The following TEPSIN variants were observed in gnomAD, a reference collection of about 807,000 sequenced individuals.
TEPSIN encodes the protein TEPSIN adaptor related protein complex 4 accessory protein, also known as AP-4 complex accessory subunit tepsin.
TEPSIN carries 50 observed loss-of-function variants against 48.5 expected under a neutral mutation model. The ratio of observed to expected loss-of-function variants is 1.03; its 90% CI spans 0.82 to 1.31. The LOEUF is 1.31. Among genes scored for constraint, TEPSIN ranks in the 50% most tolerant of loss-of-function variants. TEPSIN has a pLI of 0.00. For synonymous variants in TEPSIN, 392 were observed against 358.8 expected, an observed-to-expected ratio of 1.09 and a Z score of -1.05; for missense variants, 838 against 815.9, an observed-to-expected ratio of 1.03 and a Z score of -0.33.
chr17:81,237,992 GCTTA>G, intron 1 of TEPSIN: 1 of 997,344 alleles, frequency 1.0e-6, no homozygotes, highest in Non-Finnish European at 1.2e-6. Flanking sequence ...TTTGTTTCAT[GCTTA>G]CTTACTGGCA....
At position 81,231,919 on chromosome 17, in the gene TEPSIN, G is replaced by A. The variant is rs758539478; in HGVS notation, c.833C>T (p.Ser278Leu). The A allele has an allele frequency of 8.1e-6, 13 of 1,613,502 alleles. No homozygotes were observed. Among genetic ancestry groups the A allele is most frequent in the East Asian group, 6.7e-5 (3 of 44,896 alleles). The stretch of plus-strand genomic sequence containing the variant: ...GCTGCCGGAATGACTGCCCGAGTCC[G>A]AGACCCTGCTCAGGTCGCTGTTCTG... The part of the protein sequence containing the change: ...SSQNSDLSRV[S>L]DSGSHSGSDS... Residue 278 changes from serine (S) to leucine (L), a missense_variant, in exon 9 of 13, where the codon TCG (serine) becomes TTG (leucine). Ser to Leu is a moderately radical substitution (Grantham distance 145, BLOSUM62 -2). Transcript: ENST00000637944.
In TEPSIN at chr17:81,229,059, C is replaced by T. The variant is rs1470121037; in HGVS notation, c.1651G>A (p.Val551Met). The change falls in exon 13 of 13, where the codon GTG becomes ATG. Residue 551 changes from valine (V) to methionine (M), a missense_variant. Physicochemically the swap from Val to Met is conservative, Grantham distance 21. Transcript: ENST00000637944. Reference protein sequence around the residue: ...GMELVACPRLVGAGAAAGESC... With the variant: ...GMELVACPRLMGAGAAAGESC... ...TCTCCCGCAGCAGCCCCAGCCCCCA[C>T]CAGGCGGGGACAGGCCACCAGCTCC... 6.2e-7 allele frequency: 1 copy of T among 1,613,510 alleles called. No homozygotes were observed. Among genetic ancestry groups the T allele is most frequent in the Non-Finnish European group, 8.5e-7 (1 of 1,179,964 alleles).
rs1256381921 is a variant in TEPSIN at position 81,231,618 on chromosome 17, C to T, written c.979G>A (p.Ala327Thr). The stretch of plus-strand genomic sequence containing the variant: ...TGTGCCTCCTCGCGGCTCAGGAAGG[C>T]GCGTGGTCCCCGAGTCACAGTCCTC... ...LVRTVTRGPR[A>T]FLSREEAQHF... Residue 327 changes from alanine (A) to threonine (T), a missense_variant, in exon 10 of 13, where the codon GCC (alanine) becomes ACC (threonine). Physicochemically the swap from Ala to Thr is moderately conservative, Grantham distance 58 (BLOSUM62 0). Coordinates refer to ENST00000637944, the MANE Select transcript of TEPSIN (RefSeq NM_001363764.2). 2 of 1,613,154 alleles carry T rather than the reference C, an allele frequency of 1.2e-6. No individual in the cohort carries two copies. The highest frequency in any genetic ancestry group is 2.2e-5 in the South Asian group (2 of 91,042).
At chr17:81,238,779 G>A in intron 1 of TEPSIN, 1 of 1,314,868 alleles carries the variant, frequency 7.6e-7, no homozygotes, top group Non-Finnish European at 9.6e-7. Flanking sequence ...GCGCTCGGCG[G>A]GTCCGGCTTG....
intron 1 of TEPSIN, chr17:81,238,616 A>C (rs2062768856): frequency 9.0e-7 from 1 of 1,114,644 alleles, no homozygotes; most frequent in South Asian, 3.9e-5. Context: ...GTCAGGGAGG[A>C]CGGCGGGCTG....
chr17:81,231,085 A>C, intron 11 of TEPSIN: 1 of 520,748 alleles, frequency 1.9e-6, no homozygotes, highest in Non-Finnish European at 3.4e-6. Flanking sequence ...GCATGCACAC[A>C]CACACAGGCA....
Position 81,229,391 on chromosome 17 carries a change from G to C in TEPSIN, c.1319C>G (p.Pro440Arg). The C allele has an allele frequency of 1.3e-6, 2 of 1,553,056 alleles. No homozygotes were observed. Among genetic ancestry groups the C allele is most frequent in the East Asian group, 2.4e-5 (1 of 41,284 alleles). Residue 440 changes from proline to arginine, a missense_variant, in exon 13 of 13, where the codon CCA (proline) becomes CGA (arginine). Pro to Arg is a moderately radical substitution (Grantham distance 103, BLOSUM62 -2). Transcript: ENST00000637944. ...SAEPGPTAALPGPSDLLTDAV... is the reference protein window; with the variant it reads ...SAEPGPTAALRGPSDLLTDAV... ...GTCGGTCAGCAGGTCAGATGGGCCT[G>C]GGAGGGCGGCTGTGGGGCCAGGCTC...
intron 8 of TEPSIN, 103 bp from the exon 9 acceptor site, chr17:81,232,124 A>C: frequency 7.0e-7 from 1 of 1,428,956 alleles, no homozygotes. Context: ...CTGAGTCCTG[A>C]GCTGAGGATG....
In TEPSIN at chr17:81,233,624, C is replaced by T; in HGVS notation, c.454+14G>A. On this transcript the variant is annotated intron_variant, in intron 6 of 12. Coordinates refer to ENST00000637944, the MANE Select transcript of TEPSIN (RefSeq NM_001363764.2). This position sits in a 1 kb window ranked among gnomAD's most constrained non-coding sequence, Gnocchi z 5.8. ...CAGGTGCCAGAGCTGGACACGGTCC[C>T]CTCAGTCACCTACCTGTGGCAGGCG... The T allele has an allele frequency of 6.3e-7, 1 of 1,593,236 alleles. No homozygotes were observed. Among genetic ancestry groups the T allele is most frequent in the East Asian group, 2.3e-5 (1 of 44,190 alleles).
rs1051359230 is a variant in TEPSIN at position 81,233,077 on chromosome 17, C to T, written c.526+355G>A. ...GTGAGCAGTTGTCCACTGGTACTGC[C>T]CCACCTCATAACAGCTCCACACGGG... On this transcript the variant is annotated intron_variant, in intron 7 of 12. Coordinates refer to ENST00000637944, the MANE Select transcript of TEPSIN (RefSeq NM_001363764.2). The surrounding 1 kb of genome is among the most constrained non-coding windows in gnomAD (Gnocchi z 5.8). The T allele has an allele frequency of 2.7e-6, 1 of 364,376 alleles. No homozygotes were observed. The highest frequency in any genetic ancestry group is 5.1e-6 in the Non-Finnish European group (1 of 197,996). 22.6% of individuals were successfully genotyped at this position (364,376 alleles called of 1,614,324 possible). A position where few individuals can be genotyped will look rare whatever the true frequency, so the allele number is the denominator to read the frequency against.
rs749391945 is a variant in TEPSIN at position 81,232,508 on chromosome 17, G to A, written c.537C>T (p.Gly179=). 279 of 1,517,074 alleles carry A rather than the reference G, an allele frequency of 1.8e-4. No homozygotes were observed. Among genetic ancestry groups the A allele is most frequent in the Admixed American group, 8.4e-4 (42 of 50,112 alleles). The allele number at this position is 1,517,074 out of a possible 1,614,324, so 94.0% of individuals were successfully genotyped here. ...SKEHGRTGSA[G]EAFLSTIQKA... The stretch of plus-strand genomic sequence containing the variant: ...TCTGGATGGTGGAGAGGAAGGCTTC[G>A]CCTGCCGAGCCTGTACCCGAGGAGA... Residue 179 remains glycine (G), a synonymous_variant, in exon 8 of 13, where the codon GGC becomes GGT. Coordinates refer to ENST00000637944, the MANE Select transcript of TEPSIN (RefSeq NM_001363764.2).
chr17:81,231,074 T>A, intron 11 of TEPSIN: 1 of 498,476 alleles, frequency 2.0e-6, no homozygotes, highest in Non-Finnish European at 3.6e-6. Context: ...CACTTTCATG[T>A]GCATGCACAC....
At position 81,229,668 on chromosome 17, in the gene TEPSIN, G is replaced by A. The variant is rs1374090710; in HGVS notation, c.1234-192C>T. ...GTCATCCCACCGAGAGCAGCTGCTG[G>A]GCTGGTGCTGGCGACACGGGGCAGG... On this transcript the variant is annotated intron_variant, in intron 12 of 12. Transcript: ENST00000637944. 3 of 624,656 alleles carry A rather than the reference G, an allele frequency of 4.8e-6. No homozygotes were observed. In the East Asian group the frequency reaches 8.6e-5, roughly 18 times the overall value. 38.7% of individuals were successfully genotyped at this position (624,656 alleles called of 1,614,324 possible).
chr17:81,239,017 G>T lies in TEPSIN; in HGVS notation c.17C>A (p.Pro6Gln), dbSNP rs527289389. MAAAP[P>Q]LRDRLSFLHR... ...TAGAAAGCTCAGGCGGTCCCGTAGCGGCGGCGCGGCAGCCATGATCCAGGT... is the reference window on the plus strand; with the variant it reads ...TAGAAAGCTCAGGCGGTCCCGTAGCTGCGGCGCGGCAGCCATGATCCAGGT... Residue 6 changes from proline to glutamine, a missense_variant, in exon 1 of 13, where the codon CCG becomes CAG. Transcript: ENST00000637944. 5 of 1,489,012 alleles carry T rather than the reference G, an allele frequency of 3.4e-6. No individual in the cohort carries two copies. The highest frequency in any genetic ancestry group is 3.6e-6 in the Non-Finnish European group (4 of 1,124,706). 92.2% of individuals were successfully genotyped at this position (1,489,012 alleles called of 1,614,324 possible). A position where few individuals can be genotyped will look rare whatever the true frequency, so the allele number is the denominator to read the frequency against.
Position 81,232,041 on chromosome 17 carries a change from C to G in TEPSIN, c.731-20G>C, listed in dbSNP as rs191106052. The G allele has an allele frequency of 2.5e-6, 4 of 1,599,156 alleles. No homozygotes were observed. Among genetic ancestry groups the G allele is most frequent in the Non-Finnish European group, 3.4e-6 (4 of 1,176,604 alleles). On this transcript the variant is annotated intron_variant, in intron 8 of 12. Coordinates refer to ENST00000637944, the MANE Select transcript of TEPSIN (RefSeq NM_001363764.2). ...TCACAGCTGGAGGAAACAGGACAGC[C>G]GGTGAGATCCCTGGGGCTTCAGGCC...
chr17:81,238,968 C>T lies in TEPSIN; in HGVS notation c.48+18G>A. On this transcript the variant is annotated intron_variant, in intron 1 of 12. Coordinates refer to ENST00000637944, the MANE Select transcript of TEPSIN (RefSeq NM_001363764.2). ...AGGAGCCGTGGGACCGGGGCCCGGG[C>T]GGACCGCCCTCACTCACCCGGTGTA... The T allele has an allele frequency of 6.9e-7, 1 of 1,442,670 alleles. No homozygotes were observed. Among genetic ancestry groups the T allele is most frequent in the South Asian group, 1.4e-5 (1 of 72,768 alleles). 89.4% of individuals were successfully genotyped at this position (1,442,670 alleles called of 1,614,324 possible).
intron 9 of TEPSIN, 49 bp downstream of exon 9, chr17:81,231,798 G>C: frequency 1.2e-6 from 2 of 1,608,154 alleles, no homozygotes; most frequent in Non-Finnish European, 1.7e-6. Context: ...GAGGGGGACA[G>C]TGTGGTGCCT....
chr17:81,231,613 G>T lies in TEPSIN; in HGVS notation c.984C>A (p.Phe328Leu). ...AGTGCTGTGCCTCCTCGCGGCTCAG[G>T]AAGGCGCGTGGTCCCCGAGTCACAG... ...VRTVTRGPRA[F>L]LSREEAQHFI... The change falls in exon 10 of 13, where the codon TTC (phenylalanine) becomes TTA (leucine). Residue 328 changes from phenylalanine to leucine, a missense_variant. Physicochemically the swap from Phe to Leu is conservative, Grantham distance 22. Transcript: ENST00000637944. The T allele has an allele frequency of 6.2e-7, 1 of 1,613,162 alleles. No individual in the cohort carries two copies. Among genetic ancestry groups the T allele is most frequent in the South Asian group, 1.1e-5 (1 of 91,038 alleles).
At chr17:81,237,241 C>G (rs2062739790) in intron 2 of TEPSIN, 146 bp downstream of exon 2, 2 of 1,197,792 alleles carry the variant, frequency 1.7e-6, no homozygotes, top group Non-Finnish European at 2.4e-6. Context: ...AGTATTGCAG[C>G]CTTCAGACCC....
Sources: gnomAD v4.1 joint callset for allele counts on GRCh38, gnomAD v4.1.1 for gene constraint, Gnocchi (gnomAD v3.1) non-coding constraint, MANE v1.5 for transcripts, NCBI Gene and HGNC (gene_info 2026-07-23, HGNC 2026-07-21) for gene names.